Variants in CSMD2 observed in about 807,000 individuals in gnomAD.
CSMD2 encodes CUB and Sushi multiple domains 2.
CSMD2 carries 130 observed loss-of-function variants against 398.5 expected under a neutral mutation model. That is an observed-to-expected ratio of 0.33 (90% CI 0.28 to 0.38). The LOEUF (loss-of-function observed/expected upper bound fraction) is 0.38, where lower values mean the gene tolerates loss of function less well. Ranked by LOEUF, CSMD2 falls within the 10% of genes least tolerant of loss-of-function variation. The probability of loss-of-function intolerance (pLI) is 1.00; values close to 1 mark genes in which losing one functional copy is unlikely to be tolerated. For synonymous variants in CSMD2, 1,828 were observed against 1,908.5 expected, an observed-to-expected ratio of 0.96 and a Z score of 1.10; for missense variants, 3,829 against 4,764.9, an observed-to-expected ratio of 0.80 and a Z score of 5.78.
chr1:33,659,355 C>T (rs1337491309), intron 26 of CSMD2, among the ~76,000 whole-genome samples: 7 of 152,166 alleles, frequency 4.6e-5, no homozygotes, highest in Admixed American at 4.6e-4. Context: ...CCCTGGCTGC[C>T]TCCACAGCCC....
chr1:33,710,929 C>A (rs1054737722), intron 21 of CSMD2, among the ~76,000 whole-genome samples: 1 of 152,190 alleles, frequency 6.6e-6, no homozygotes, highest in African/African-American at 2.4e-5. Context: ...AATTCAGGAC[C>A]AGCTTCAGTT....
intron 28 of CSMD2, among the ~76,000 whole-genome samples, chr1:33,650,031 T>C (rs1643669860): frequency 6.6e-6 from 1 of 152,196 alleles, no homozygotes; most frequent in African/African-American, 2.4e-5. Context: ...GTAATTCAGC[T>C]TCTTGACATC....
intron 44 of CSMD2, among the ~76,000 whole-genome samples, chr1:33,594,295 A>G (rs894951451): frequency 3.3e-5 from 5 of 152,226 alleles, no homozygotes; most frequent in African/African-American, 1.2e-4. Flanking sequence ...GAATCCCTGC[A>G]AATAACAATT....
Position 33,518,026 on chromosome 1 carries a change from G to A in CSMD2, c.*53+1439C>T, listed in dbSNP as rs1300778413. On this transcript the variant is annotated intron_variant, in intron 70 of 70. Coordinates refer to ENST00000373381, the MANE Select transcript of CSMD2 (RefSeq NM_001281956.2). The surrounding 1 kb of genome is among the most constrained non-coding windows in gnomAD (Gnocchi z 4.3). ...GCCACGTGAGCGGCCATGCACAGGA[G>A]CGTGGGGAGGGAGCGCAACACTAGC... is the stretch of plus-strand genomic sequence containing the variant. Among the ~76,000 whole-genome samples the A allele has an allele frequency of 6.6e-6, 1 of 152,266 alleles. No individual in the cohort carries two copies. Among genetic ancestry groups the A allele is most frequent in the East Asian group, 1.9e-4 (1 of 5,202 alleles).
In CSMD2 at chr1:33,707,695, G is replaced by GCACACACA. The variant is rs200504764; in HGVS notation, c.3576+1386_3576+1393dup. Reference sequence around the variant, plus strand: ...CGCACGCGTGCACACGCGCGCGCGCGCACACACACACACACACACACACAC... The same window carrying GCACACACA: ...CGCACGCGTGCACACGCGCGCGCGCGCACACACACACACACACACACACACACACACAC... On this transcript the variant is annotated intron_variant, in intron 22 of 70. Coordinates refer to ENST00000373381, the MANE Select transcript of CSMD2 (RefSeq NM_001281956.2). Among the ~76,000 whole-genome samples, 562 of 92,042 alleles carry GCACACACA rather than the reference G, an allele frequency of 6.1e-3. 6 individuals are homozygous for GCACACACA. The highest frequency in any genetic ancestry group is 9.4e-3 in the Middle Eastern group (2 of 212). 60.4% of individuals were successfully genotyped at this position (92,042 alleles called of 152,430 possible).
chr1:34,027,601 C>T (rs528438275), intron 3 of CSMD2, among the ~76,000 whole-genome samples: 2 of 152,340 alleles, frequency 1.3e-5, no homozygotes, highest in South Asian at 2.1e-4. Context: ...CAGAAGATGA[C>T]TGGTTAGATA....
intron 19 of CSMD2, among the ~76,000 whole-genome samples, chr1:33,722,491 C>G (rs1646388864): frequency 6.6e-6 from 1 of 152,150 alleles, no homozygotes; most frequent in Admixed American, 6.5e-5. Flanking sequence ...AATGGTATTT[C>G]TCTTTTAAAA....
Position 33,714,636 on chromosome 1 carries a change from G to T in CSMD2, c.3357C>A (p.Cys1119Ter). 6.2e-7 allele frequency: 1 copy of T among 1,613,988 alleles called. No homozygotes were observed. Among genetic ancestry groups the T allele is most frequent in the Non-Finnish European group, 8.5e-7 (1 of 1,180,034 alleles). Residue 1119 changes from cysteine (C) to a stop codon, truncating the protein, a stop_gained, in exon 21 of 71, where the codon TGC becomes TGA. Transcript: ENST00000373381. LOFTEE classifies it high-confidence loss of function. ...YRLEGTARIT[C>*]LGGRRRLWSS... Reference sequence around the variant, plus strand: ...TCCACAGGCGCCGTCTGCCCCCCAGGCACGTGATGCGGGCGGTGCCCTCCA... The same window carrying T: ...TCCACAGGCGCCGTCTGCCCCCCAGTCACGTGATGCGGGCGGTGCCCTCCA...
rs1654021795 is a variant in CSMD2 at position 33,519,184 on chromosome 1, C to T, written c.*53+281G>A. 6.6e-6 allele frequency among the ~76,000 whole-genome samples: 1 copy of T among 152,212 alleles called. No individual in the cohort carries two copies. The highest frequency in any genetic ancestry group is 2.4e-5 in the African/African-American group (1 of 41,444). ...GGATTTCGACCCCACCCCTTCTGAG[C>T]TGTGTGACCTTGCTCAAGTTAGTTT... is the stretch of plus-strand genomic sequence containing the variant. On this transcript the variant is annotated intron_variant, in intron 70 of 70. Transcript: ENST00000373381. This position sits in a 1 kb window ranked among gnomAD's most constrained non-coding sequence, Gnocchi z 5.6.
intron 2 of CSMD2, among the ~76,000 whole-genome samples, chr1:34,036,697 A>G (rs1651170464): frequency 6.6e-6 from 1 of 152,228 alleles, no homozygotes; most frequent in African/African-American, 2.4e-5. Context: ...AGTGTGCTAT[A>G]GTTACATAAG....
chr1:33,790,661 GTCTA>G (rs72105736), intron 11 of CSMD2, among the ~76,000 whole-genome samples: 14,154 of 149,748 alleles, frequency 0.095, 728 homozygotes, highest in South Asian at 0.16. Context: ...CTGTTTGTCT[GTCTA>G]TCTATCTATC....
At chr1:33,713,689 T>C (rs1277117926) in intron 21 of CSMD2, among the ~76,000 whole-genome samples, 2 of 152,132 alleles carry the variant, frequency 1.3e-5, no homozygotes, top group Non-Finnish European at 2.9e-5. Flanking sequence ...ACATCTCCTG[T>C]TCTCCCTGCC....
chr1:33,588,921 G>T (rs553474488), intron 44 of CSMD2, among the ~76,000 whole-genome samples: 8 of 152,310 alleles, frequency 5.3e-5, no homozygotes, highest in African/African-American at 1.7e-4. Context: ...TGGAATTGGA[G>T]CCCCTTTCCA....
rs1250024718 is a variant in CSMD2 at position 34,163,342 on chromosome 1, C to T, written c.187+1569G>A. On this transcript the variant is annotated intron_variant, in intron 1 of 70. Coordinates refer to ENST00000373381, the MANE Select transcript of CSMD2 (RefSeq NM_001281956.2). This position sits in a 1 kb window ranked among gnomAD's most constrained non-coding sequence, Gnocchi z 5.4. ...CCAGAGCTCCCAGGCGCGCGCACCG[C>T]GGGCGCCCCTCTCTGGGTGTCGGTG... 6.6e-6 allele frequency among the ~76,000 whole-genome samples: 1 copy of T among 152,296 alleles called. No homozygotes were observed. The highest frequency in any genetic ancestry group is 2.4e-5 in the African/African-American group (1 of 41,590).
At chr1:34,057,407 T>C (rs1653958331) in intron 2 of CSMD2, among the ~76,000 whole-genome samples, 1 of 152,212 alleles carries the variant, frequency 6.6e-6, no homozygotes, top group Non-Finnish European at 1.5e-5. Flanking sequence ...GCTGTTTCTA[T>C]GCTGTTTCCT....
chr1:33,593,023 G>T (rs1177349708), intron 44 of CSMD2, among the ~76,000 whole-genome samples: 1 of 151,954 alleles, frequency 6.6e-6, no homozygotes, highest in Non-Finnish European at 1.5e-5. Context: ...AAAGCTAAAA[G>T]GTAGAAGCCA....
intron 2 of CSMD2, among the ~76,000 whole-genome samples, chr1:34,067,370 T>A (rs1483752996): frequency 6.6e-6 from 1 of 152,262 alleles, no homozygotes; most frequent in African/African-American, 2.4e-5. Flanking sequence ...CTATTGCTAC[T>A]GAAGGCAGTT....
At chr1:33,753,294 G>C (rs1648518630) in intron 13 of CSMD2, among the ~76,000 whole-genome samples, 1 of 152,220 alleles carries the variant, frequency 6.6e-6, no homozygotes, top group Non-Finnish European at 1.5e-5. Context: ...TCAGGGACCA[G>C]GCCTGGGGCA....
At chr1:34,041,644 C>T (rs1651852728) in intron 2 of CSMD2, among the ~76,000 whole-genome samples, 1 of 152,062 alleles carries the variant, frequency 6.6e-6, no homozygotes, top group African/African-American at 2.4e-5. Context: ...CAAGGAGACC[C>T]TAAAAGACCC....
Sources: allele counts gnomAD v4.1 joint callset (sites outside exome capture counted in the v4.1 genomes callset), GRCh38; gene constraint gnomAD v4.1.1; non-coding constraint Gnocchi (gnomAD v3.1); transcripts MANE v1.5; gene names NCBI Gene and HGNC (gene_info 2026-07-23, HGNC 2026-07-21).